MAP2K4: variants seen among roughly 807,000 people sequenced by gnomAD.
The protein encoded by MAP2K4 is mitogen-activated protein kinase kinase 4.
MAP2K4 carries 4 observed loss-of-function variants against 48.5 expected under a neutral mutation model. The ratio of observed to expected loss-of-function variants is 0.08; its 90% CI spans 0.04 to 0.19. MAP2K4 has a LOEUF of 0.19. MAP2K4 is among the 10% of genes least tolerant of loss of function. The pLI is 1.00. For missense variants in MAP2K4, 258 were observed against 493.3 expected, an observed-to-expected ratio of 0.52 and a Z score of 4.52; for synonymous variants, 166 against 173.1, an observed-to-expected ratio of 0.96 and a Z score of 0.32.
At chr17:12,121,030 C>A (rs2108496) in intron 7 of MAP2K4, among the ~76,000 whole-genome samples, 1 of 152,022 alleles carries the variant, frequency 6.6e-6, no homozygotes, top group African/African-American at 2.4e-5. Context: ...CAATGATTGC[C>A]TATTAATAGC....
At chr17:12,027,557 A>G (rs1049944669) in intron 1 of MAP2K4, among the ~76,000 whole-genome samples, 2 of 152,166 alleles carry the variant, frequency 1.3e-5, no homozygotes, top group Non-Finnish European at 2.9e-5. Flanking sequence ...GTTACCAGAC[A>G]TATATATCTG....
intron 4 of MAP2K4, among the ~76,000 whole-genome samples, chr17:12,098,435 G>A (rs1483078653): frequency 1.3e-5 from 2 of 150,328 alleles, no homozygotes; most frequent in African/African-American, 4.9e-5. Context: ...CCAAGATCAT[G>A]CCGCTGCAGT....
At chr17:12,025,789 A>G (rs1969234997) in intron 1 of MAP2K4, among the ~76,000 whole-genome samples, 1 of 152,250 alleles carries the variant, frequency 6.6e-6, no homozygotes. Flanking sequence ...TTTAAAATCA[A>G]TGTAGTTATT....
intron 7 of MAP2K4, among the ~76,000 whole-genome samples, chr17:12,122,164 T>A (rs1006331634): frequency 1.3e-5 from 2 of 152,258 alleles, no homozygotes; most frequent in African/African-American, 4.8e-5. Context: ...TCTCCACAGG[T>A]AGCTATTCCG....
intron 1 of MAP2K4, chr17:12,021,262 C>A: frequency 4.0e-6 from 1 of 251,458 alleles, no homozygotes; most frequent in Non-Finnish European, 7.5e-6. Context: ...TCAGCAGGCC[C>A]GCAGGGCCCA....
rs1303650363 is a variant in MAP2K4 at position 12,041,467 on chromosome 17, T to C, written c.116-13422T>C. 4.6e-5 allele frequency among the ~76,000 whole-genome samples: 7 copies of C among 152,322 alleles called. No homozygotes were observed. The East Asian group carries it at 1.2e-3, about 25-fold the overall frequency. ...GCTGAAATGGAAAGTTGGTGGAGTATACAAAAGATCGCCACGTCTTATGAC... is the reference window on the plus strand; with the variant it reads ...GCTGAAATGGAAAGTTGGTGGAGTACACAAAAGATCGCCACGTCTTATGAC... On this transcript the variant is annotated intron_variant, in intron 1 of 10. Transcript: ENST00000353533.
At chr17:12,105,370 T>G (rs1462114249) in intron 4 of MAP2K4, among the ~76,000 whole-genome samples, 2 of 152,200 alleles carry the variant, frequency 1.3e-5, no homozygotes, top group Non-Finnish European at 2.9e-5. Flanking sequence ...TTCATAAAGG[T>G]TCTGCCTATT....
At chr17:12,132,935 G>A (rs1973078178) in intron 9 of MAP2K4, among the ~76,000 whole-genome samples, 1 of 152,138 alleles carries the variant, frequency 6.6e-6, no homozygotes, top group Non-Finnish European at 1.5e-5. Context: ...ATGTCAGCAA[G>A]TGTTGCACAG....
intron 3 of MAP2K4, among the ~76,000 whole-genome samples, chr17:12,082,695 A>C (rs2151549882): frequency 6.6e-6 from 1 of 152,286 alleles, no homozygotes; most frequent in South Asian, 2.1e-4. Flanking sequence ...TGGTAGGGAA[A>C]ATTTTTATGA....
At chr17:12,090,469 A>G (rs1177076013) in intron 3 of MAP2K4, among the ~76,000 whole-genome samples, 1 of 152,192 alleles carries the variant, frequency 6.6e-6, no homozygotes, top group South Asian at 2.1e-4. Context: ...GCATCTAGGC[A>G]CAATGCTACT....
intron 4 of MAP2K4, among the ~76,000 whole-genome samples, chr17:12,103,835 C>T (rs778866445): frequency 1.3e-5 from 2 of 151,976 alleles, no homozygotes; most frequent in South Asian, 2.1e-4. Context: ...AATATAGATT[C>T]GTAATATACA....
chr17:12,096,970 AT>A (rs1971777082), intron 4 of MAP2K4, among the ~76,000 whole-genome samples: 1 of 152,150 alleles, frequency 6.6e-6, no homozygotes, highest in Non-Finnish European at 1.5e-5. Context: ...ATGACCAGAT[AT>A]ACTGAATTTA....
Position 12,119,435 on chromosome 17 carries a change from A to G in MAP2K4, c.814-5859A>G, listed in dbSNP as rs1000943999. 4.6e-5 allele frequency among the ~76,000 whole-genome samples: 7 copies of G among 152,378 alleles called. No individual in the cohort carries two copies. In the South Asian group the frequency reaches 8.3e-4, roughly 18 times the overall value. On this transcript the variant is annotated intron_variant, in intron 7 of 10. Coordinates refer to ENST00000353533, the MANE Select transcript of MAP2K4 (RefSeq NM_003010.4). The stretch of plus-strand genomic sequence containing the variant: ...TGGAGAAATGCAAATCAAAACCACA[A>G]TGAGATACATCTCACACCAGTCAGA...
At chr17:12,033,644 A>G (rs756216847) in intron 1 of MAP2K4, among the ~76,000 whole-genome samples, 47 of 152,174 alleles carry the variant, frequency 3.1e-4, no homozygotes, top group Non-Finnish European at 5.7e-4. Context: ...ATATATCTAT[A>G]TGAAATGAAG....
At chr17:12,097,836 G>GAT (rs1971809878) in intron 4 of MAP2K4, among the ~76,000 whole-genome samples, 1 of 152,060 alleles carries the variant, frequency 6.6e-6, no homozygotes, top group Admixed American at 6.5e-5. Context: ...CAGATATGAA[G>GAT]ATATATATAT....
At chr17:12,067,503 T>G (rs1330773143) in intron 2 of MAP2K4, among the ~76,000 whole-genome samples, 3 of 152,190 alleles carry the variant, frequency 2.0e-5, no homozygotes, top group Admixed American at 2.0e-4. Flanking sequence ...GCAAATTTGC[T>G]TCTTCTTAGG....
chr17:12,096,653 A>G (rs1971768865), intron 4 of MAP2K4, among the ~76,000 whole-genome samples: 1 of 152,220 alleles, frequency 6.6e-6, no homozygotes, highest in Non-Finnish European at 1.5e-5. Flanking sequence ...ATGGGATTAT[A>G]GAGTGTATCC....
intron 8 of MAP2K4, among the ~76,000 whole-genome samples, chr17:12,128,843 A>G (rs1444809461): frequency 6.6e-6 from 1 of 152,246 alleles, no homozygotes; most frequent in Non-Finnish European, 1.5e-5. Context: ...AGTCAGAACC[A>G]CAGGCTGCCC....
At chr17:12,099,984 C>T (rs968385322) in intron 4 of MAP2K4, among the ~76,000 whole-genome samples, 3 of 152,082 alleles carry the variant, frequency 2.0e-5, no homozygotes, top group Admixed American at 1.3e-4. Context: ...AAGCAAGTTA[C>T]CTCCCCCTTT....
Sources: allele counts gnomAD v4.1 joint callset (sites outside exome capture counted in the v4.1 genomes callset), GRCh38; gene constraint gnomAD v4.1.1; transcripts MANE v1.5; gene names NCBI Gene and HGNC (gene_info 2026-07-23, HGNC 2026-07-21).